The following KCNQ1 variants were observed in gnomAD, a reference collection of about 807,000 sequenced individuals.
KCNQ1 encodes the protein potassium voltage-gated channel subfamily Q member 1.
KCNQ1 carries 49 observed loss-of-function variants against 72.4 expected under a neutral mutation model. The ratio of observed to expected loss-of-function variants is 0.68; its 90% CI spans 0.54 to 0.86. The LOEUF (loss-of-function observed/expected upper bound fraction) is 0.86. Among genes scored for constraint, KCNQ1 ranks in the 40% least tolerant of loss-of-function variants. The pLI, the probability that KCNQ1 is intolerant of heterozygous loss-of-function variation, is 0.00. For synonymous variants in KCNQ1, 450 were observed against 412.6 expected, an observed-to-expected ratio of 1.09 and a Z score of -1.10; for missense variants, 790 against 945.1, an observed-to-expected ratio of 0.84 and a Z score of 2.15.
intron 11 of KCNQ1, chr11:2,693,498 T>G: frequency 2.5e-6 from 1 of 398,698 alleles, no homozygotes; most frequent in Non-Finnish European, 4.4e-6. Flanking sequence ...GAAAGGCCTT[T>G]TAGATCCATT....
intron 10 of KCNQ1, chr11:2,646,935 A>G (rs11824124): frequency 0.02 from 8,133 of 398,614 alleles, 534 homozygotes; most frequent in African/African-American, 0.14. Context: ...GCCATCTGCA[A>G]AGGACAATAT....
chr11:2,577,219 C>T (rs1488919153), intron 6 of KCNQ1, among the ~76,000 whole-genome samples: 1 of 152,242 alleles, frequency 6.6e-6, no homozygotes, highest in Non-Finnish European at 1.5e-5. Flanking sequence ...GGGGTTCGGG[C>T]AGCCCTGTCT....
intron 10 of KCNQ1, among the ~76,000 whole-genome samples, chr11:2,594,320 C>G (rs1369002121): frequency 6.6e-6 from 1 of 152,174 alleles, no homozygotes; most frequent in Non-Finnish European, 1.5e-5. Context: ...AAGTGACCCT[C>G]CCTACCTCTA....
rs543069534 is a variant in KCNQ1, at chr11:2,781,984, G to A, written c.1794+3947G>A. 9.3e-4 allele frequency among the ~76,000 whole-genome samples: 141 copies of A among 152,222 alleles called. No individual in the cohort carries two copies. The highest frequency in any genetic ancestry group is 3.0e-3 in the African/African-American group (125 of 41,530). ...CACACCCTGCCCATGCCTTTACCAAGCTTCGTGCATGACCCCAACCTCCAG... is the reference window on the plus strand; with the variant it reads ...CACACCCTGCCCATGCCTTTACCAAACTTCGTGCATGACCCCAACCTCCAG... On this transcript the variant is annotated intron_variant, in intron 15 of 15. Transcript: ENST00000155840. This position sits in a 1 kb window ranked among gnomAD's most constrained non-coding sequence, Gnocchi z 6.6.
At chr11:2,740,717 C>T (rs994652624) in intron 11 of KCNQ1, among the ~76,000 whole-genome samples, 7 of 152,204 alleles carry the variant, frequency 4.6e-5, no homozygotes, top group African/African-American at 1.4e-4. Context: ...TTTCCTGCTC[C>T]TAGGGGCGCC....
chr11:2,717,119 C>G (rs905539711), intron 11 of KCNQ1, among the ~76,000 whole-genome samples: 1 of 152,204 alleles, frequency 6.6e-6, no homozygotes, highest in Non-Finnish European at 1.5e-5. Flanking sequence ...GGTGCTCTTG[C>G]AGACAACCCA....
At position 2,526,665 on chromosome 11, in the gene KCNQ1, G is replaced by C. The variant is rs903652183; in HGVS notation, c.387-1263G>C. On this transcript the variant is annotated intron_variant, in intron 1 of 15. Transcript: ENST00000155840. The surrounding 1 kb of genome is among the most constrained non-coding windows in gnomAD (Gnocchi z 6.1). ...GGTAGCCTGTTTGTTGTGGGCTCTGGGGGCCTGGGGAGGGTGGGCTGGGCT... is the reference window on the plus strand; with the variant it reads ...GGTAGCCTGTTTGTTGTGGGCTCTGCGGGCCTGGGGAGGGTGGGCTGGGCT... Among the ~76,000 whole-genome samples, 45 of 152,074 alleles carry C rather than the reference G, an allele frequency of 3.0e-4. No individual in the cohort carries two copies. The highest frequency in any genetic ancestry group is 1.0e-3 in the African/African-American group (43 of 41,488).
At chr11:2,510,025 A>C (rs1314550370) in intron 1 of KCNQ1, among the ~76,000 whole-genome samples, 2 of 152,118 alleles carry the variant, frequency 1.3e-5, no homozygotes, top group African/African-American at 4.8e-5. Context: ...AATCCAGTAC[A>C]CTGGGAGGCC....
Position 2,673,105 on chromosome 11 carries a change from A to T in KCNQ1, c.1514+11024A>T, listed in dbSNP as rs536277416. On this transcript the variant is annotated intron_variant, in intron 11 of 15. Transcript: ENST00000155840. This position sits in a 1 kb window ranked among gnomAD's most constrained non-coding sequence, Gnocchi z 4.5. ...GTAGGCCTTCACGGTACTCAGCAGG[A>T]GACCCCAGCAGGCAGCATCAGGGCA... The T allele has an allele frequency of 5.8e-5, 23 of 398,920 alleles. No individual in the cohort carries two copies. In the South Asian group the frequency reaches 6.4e-4, roughly 11 times the overall value. The allele number at this position is 398,920 out of a possible 1,614,324, so 24.7% of individuals were successfully genotyped here.
At position 2,745,825 on chromosome 11, in the gene KCNQ1, C is replaced by T. The variant is rs1023990920; in HGVS notation, c.1515-23019C>T. Among the ~76,000 whole-genome samples the T allele has an allele frequency of 2.6e-5, 4 of 152,250 alleles. No homozygotes were observed. The highest frequency in any genetic ancestry group is 1.9e-4 in the East Asian group (1 of 5,200). ...GCCCGGGGCCAGGACCAGGAGCAGG[C>T]GGCAGCAGCAAGGCAGCTCATCCTC... On this transcript the variant is annotated intron_variant, in intron 11 of 15. Transcript: ENST00000155840. The surrounding 1 kb of genome is among the most constrained non-coding windows in gnomAD (Gnocchi z 6.2).
intron 15 of KCNQ1, among the ~76,000 whole-genome samples, chr11:2,836,661 T>G (rs1159449877): frequency 6.6e-6 from 1 of 152,214 alleles, no homozygotes; most frequent in East Asian, 1.9e-4. Context: ...GTCCCCGTGA[T>G]TCTACGTGCA....
At position 2,652,688 on chromosome 11, in the gene KCNQ1, G is replaced by T. The variant is rs1170293615; in HGVS notation, c.1394-9273G>T. 2.0e-5 allele frequency: 8 copies of T among 398,712 alleles called. No individual in the cohort carries two copies. The highest frequency in any genetic ancestry group is 1.6e-4 in the African/African-American group (8 of 48,624). 24.7% of individuals were successfully genotyped at this position (398,712 alleles called of 1,614,324 possible). Reference sequence around the variant, plus strand: ...TGGGTCGATTTTAGTTGTGTGGGTGGCTGTGTTGCTCTCTTTCCGTTTCCT... The same window carrying T: ...TGGGTCGATTTTAGTTGTGTGGGTGTCTGTGTTGCTCTCTTTCCGTTTCCT... On this transcript the variant is annotated intron_variant, in intron 10 of 15. Transcript: ENST00000155840. The surrounding 1 kb of genome is among the most constrained non-coding windows in gnomAD (Gnocchi z 5.9).
intron 10 of KCNQ1, chr11:2,656,945 G>A (rs1261045703): frequency 7.5e-6 from 3 of 398,458 alleles, no homozygotes; most frequent in Non-Finnish European, 1.3e-5. Context: ...TCCAGTGTGG[G>A]TATCCAACTG....
In KCNQ1 at chr11:2,690,167, G is replaced by A. The variant is rs1850565433; in HGVS notation, c.1514+28086G>A. 2.5e-6 allele frequency: 1 copy of A among 398,828 alleles called. No individual in the cohort carries two copies. Among genetic ancestry groups the A allele is most frequent in the East Asian group, 3.6e-5 (1 of 28,082 alleles). 24.7% of individuals were successfully genotyped at this position (398,828 alleles called of 1,614,324 possible). ...AGCCCTCCCCAGCATGACAGGATGT[G>A]GAAGGCTGGTCTCTCCAGAGACTGG... is the stretch of plus-strand genomic sequence containing the variant. On this transcript the variant is annotated intron_variant, in intron 11 of 15. Coordinates refer to ENST00000155840, the MANE Select transcript of KCNQ1 (RefSeq NM_000218.3). The surrounding 1 kb of genome is among the most constrained non-coding windows in gnomAD (Gnocchi z 5.1).
chr11:2,565,689 G>T lies in KCNQ1; in HGVS notation c.478-4939G>T, dbSNP rs935248871. 2.0e-5 allele frequency among the ~76,000 whole-genome samples: 3 copies of T among 152,212 alleles called. No homozygotes were observed. The highest frequency in any genetic ancestry group is 4.4e-5 in the Non-Finnish European group (3 of 68,036). Reference sequence around the variant, plus strand: ...CAGAAACTCATTGCTTTCAGGCCTTGCTAGAAAAGCATACAGTCGAACGAG... The same window carrying T: ...CAGAAACTCATTGCTTTCAGGCCTTTCTAGAAAAGCATACAGTCGAACGAG... On this transcript the variant is annotated intron_variant, in intron 2 of 15. Coordinates refer to ENST00000155840, the MANE Select transcript of KCNQ1 (RefSeq NM_000218.3). This position sits in a 1 kb window ranked among gnomAD's most constrained non-coding sequence, Gnocchi z 5.6.
rs1019071887 is a variant in KCNQ1 at position 2,537,480 on chromosome 11, C to T, written c.477+9462C>T. The stretch of plus-strand genomic sequence containing the variant: ...GAGCGTGTGCCCCGGGCCAGCCCAC[C>T]GTGCCCCACGTTTCTACAGTGCCCA... On this transcript the variant is annotated intron_variant, in intron 2 of 15. Transcript: ENST00000155840. This position sits in a 1 kb window ranked among gnomAD's most constrained non-coding sequence, Gnocchi z 5.2. 1.3e-5 allele frequency among the ~76,000 whole-genome samples: 2 copies of T among 152,050 alleles called. No individual in the cohort carries two copies. Among genetic ancestry groups the T allele is most frequent in the African/African-American group, 4.8e-5 (2 of 41,326 alleles).
chr11:2,641,035 T>G (rs4930004), intron 10 of KCNQ1: 1 of 398,256 alleles, frequency 2.5e-6, no homozygotes. Flanking sequence ...ATTGTATATA[T>G]TTACCTCATT....
At chr11:2,685,731 C>T (rs529457952) in intron 11 of KCNQ1, 80 of 398,676 alleles carry the variant, frequency 2.0e-4, no homozygotes, top group African/African-American at 1.5e-3. Context: ...TCTGACAGTC[C>T]GCCGAAATGG....
chr11:2,790,288 C>T (rs1846996043), intron 15 of KCNQ1, among the ~76,000 whole-genome samples: 1 of 152,330 alleles, frequency 6.6e-6, no homozygotes, highest in South Asian at 2.1e-4. Context: ...CAGGAGCTGG[C>T]ATTGCCTCTG....
Sources: gnomAD v4.1 joint callset for allele counts (sites outside exome capture counted in the v4.1 genomes callset) on GRCh38, gnomAD v4.1.1 for gene constraint, Gnocchi (gnomAD v3.1) non-coding constraint, MANE v1.5 for transcripts, NCBI Gene and HGNC (gene_info 2026-07-23, HGNC 2026-07-21) for gene names.